SCN2A: variants seen among roughly 807,000 people sequenced by gnomAD.
SCN2A encodes sodium voltage-gated channel alpha subunit 2.
Under a neutral mutation model 188.7 loss-of-function variants are expected in SCN2A, and 20 were observed. The ratio of observed to expected loss-of-function variants is 0.11; its 90% CI spans 0.07 to 0.15. The LOEUF is 0.15. Ranked by LOEUF, SCN2A falls within the 10% of genes least tolerant of loss-of-function variation. SCN2A has a pLI of 1.00. For missense variants in SCN2A, 1,278 were observed against 2,445.0 expected, an observed-to-expected ratio of 0.52 and a Z score of 10.07; for synonymous variants, 804 against 833.1, an observed-to-expected ratio of 0.97 and a Z score of 0.60.
intron 1 of SCN2A, among the ~76,000 whole-genome samples, chr2:165,250,403 A>G (rs1214445467): frequency 1.3e-5 from 2 of 152,042 alleles, no homozygotes; most frequent in South Asian, 2.1e-4. Flanking sequence ...GATTTGTAAA[A>G]TGATATGGAT....
chr2:165,294,667 T>G (rs4667805), intron 1 of SCN2A, among the ~76,000 whole-genome samples: 124,045 of 152,000 alleles, frequency 0.82, 50,787 homozygotes, highest in Non-Finnish European at 0.84. Context: ...AGATTAAGTG[T>G]CATTTAGGAG....
At position 165,280,221 on chromosome 2, in the gene SCN2A, C is replaced by G. The variant is rs979073994; in HGVS notation, c.-51-15552C>G. Among the ~76,000 whole-genome samples the G allele has an allele frequency of 2.0e-5, 3 of 152,158 alleles. No individual in the cohort carries two copies. In the South Asian group the frequency reaches 6.2e-4, roughly 31 times the overall value. On this transcript the variant is annotated intron_variant, in intron 1 of 26. Coordinates refer to ENST00000375437, the MANE Select transcript of SCN2A (RefSeq NM_001040142.2). ...GGCCTATGTTTATCTCTACTATGTA[C>G]TCAGACTATTGTACAGCCTGGACCA...
intron 1 of SCN2A, among the ~76,000 whole-genome samples, chr2:165,265,473 A>C (rs1315638842): frequency 0.052 from 2,522 of 48,714 alleles, 95 homozygotes; most frequent in East Asian, 0.26. Context: ...CTGTTGATCT[A>C]TATATATATA....
At chr2:165,352,559 T>C (rs1699979699) in intron 16 of SCN2A, among the ~76,000 whole-genome samples, 1 of 152,172 alleles carries the variant, frequency 6.6e-6, no homozygotes, top group African/African-American at 2.4e-5. Flanking sequence ...ATCCCTAATC[T>C]GAAAATTTGA....
chr2:165,369,424 C>T (rs1285990351), intron 19 of SCN2A, among the ~76,000 whole-genome samples: 2 of 152,122 alleles, frequency 1.3e-5, no homozygotes, highest in Non-Finnish European at 2.9e-5. Flanking sequence ...CCTTTAGGTC[C>T]TTGTATGGAG....
intron 26 of SCN2A, among the ~76,000 whole-genome samples, chr2:165,388,060 A>C (rs1701963066): frequency 6.6e-6 from 1 of 152,150 alleles, no homozygotes; most frequent in African/African-American, 2.4e-5. Context: ...GCATGAAGAA[A>C]AGACTTAGTA....
chr2:165,376,645 C>T (rs1026152850), intron 22 of SCN2A, among the ~76,000 whole-genome samples: 4 of 151,852 alleles, frequency 2.6e-5, no homozygotes, highest in Admixed American at 1.3e-4. Flanking sequence ...TCATTGTTTT[C>T]CTCCCTTCCT....
At chr2:165,375,500 A>G (rs1368239) in intron 22 of SCN2A, among the ~76,000 whole-genome samples, 43,899 of 151,758 alleles carry the variant, frequency 0.29, 6,661 homozygotes, top group Middle Eastern at 0.48. Flanking sequence ...ATACACAGAA[A>G]CAGTGTTTGT....
Position 165,295,937 on chromosome 2 carries a change from A to G in SCN2A, c.114A>G (p.Lys38=), listed in dbSNP as rs753614123. The change falls in exon 2 of 27, where the codon AAA becomes AAG. Residue 38 remains lysine, a synonymous_variant. Transcript: ENST00000375437. ...CAGAAGAGAAAGCTAAGAGACCCAA[A>G]CAGGAACGCAAGGATGAGGATGATG... is the stretch of plus-strand genomic sequence containing the variant. The part of the protein sequence containing the change: ...RIAEEKAKRP[K]QERKDEDDEN... The G allele has an allele frequency of 6.2e-7, 1 of 1,614,168 alleles. No homozygotes were observed. Among genetic ancestry groups the G allele is most frequent in the Non-Finnish European group, 8.5e-7 (1 of 1,180,032 alleles).
Position 165,355,044 on chromosome 2 carries a change from G to A in SCN2A, c.3399+373G>A, listed in dbSNP as rs145608959. 4.5e-3 allele frequency among the ~76,000 whole-genome samples: 679 copies of A among 152,206 alleles called. 3 individuals are homozygous for A. The highest frequency in any genetic ancestry group is 0.016 in the African/African-American group (647 of 41,530). ...GTACTGGAAAAATATCTGATGAGAG[G>A]GTAGTTGCAATTCTCATCTTGCTAT... On this transcript the variant is annotated intron_variant, in intron 17 of 26. Coordinates refer to ENST00000375437, the MANE Select transcript of SCN2A (RefSeq NM_001040142.2).
At chr2:165,281,563 G>A (rs989998784) in intron 1 of SCN2A, among the ~76,000 whole-genome samples, 7 of 151,978 alleles carry the variant, frequency 4.6e-5, no homozygotes, top group Non-Finnish European at 1.0e-4. Flanking sequence ...AGTGAGGGGG[G>A]TGGGCAGACC....
Position 165,327,228 on chromosome 2 carries a change from C to T in SCN2A, c.2149+244C>T, listed in dbSNP as rs1281313153. ...GTATATTTTGAACACCACTTTCATA[C>T]ATTAAATTCTAAACATTGAAACTTG... is the stretch of plus-strand genomic sequence containing the variant. On this transcript the variant is annotated intron_variant, in intron 13 of 26. Transcript: ENST00000375437. 1.7e-5 allele frequency: 8 copies of T among 461,376 alleles called. No individual in the cohort carries two copies. In the Admixed American group the frequency reaches 2.4e-4, roughly 14 times the overall value. The allele number at this position is 461,376 out of a possible 1,614,324, so 28.6% of individuals were successfully genotyped here. A position where few individuals can be genotyped will look rare whatever the true frequency, so the allele number is the denominator to read the frequency against.
At position 165,289,642 on chromosome 2, in the gene SCN2A, C is replaced by G. The variant is rs575722252; in HGVS notation, c.-51-6131C>G. On this transcript the variant is annotated intron_variant, in intron 1 of 26. Coordinates refer to ENST00000375437, the MANE Select transcript of SCN2A (RefSeq NM_001040142.2). ...AAGGTCAGAACAAATGGAAGAAAAA[C>G]CAATGTATGATTTCTGAAAACCTTA... 1.6e-4 allele frequency among the ~76,000 whole-genome samples: 24 copies of G among 152,094 alleles called. No homozygotes were observed. The South Asian group carries it at 5.0e-3, about 32-fold the overall frequency.
intron 11 of SCN2A, chr2:165,320,279 C>A (rs114590429): frequency 0.077 from 11,660 of 152,384 alleles, 632 homozygotes; most frequent in Non-Finnish European, 0.11. Flanking sequence ...TGGTCTTCAG[C>A]AGCTCCACCC....
At chr2:165,277,949 A>G (rs539403900) in intron 1 of SCN2A, among the ~76,000 whole-genome samples, 25 of 152,328 alleles carry the variant, frequency 1.6e-4, no homozygotes, top group African/African-American at 5.3e-4. Flanking sequence ...GTACATCATA[A>G]TCTTACTTGA....
chr2:165,291,412 C>CTGT (rs1696127024), intron 1 of SCN2A, among the ~76,000 whole-genome samples: 1 of 141,184 alleles, frequency 7.1e-6, no homozygotes, highest in African/African-American at 2.6e-5. Context: ...TCCTTCCTTC[C>CTGT]TTCCTCCCTG....
At chr2:165,315,391 A>G in intron 10 of SCN2A, 80 bp from the exon 11 acceptor site, 1 of 1,589,082 alleles carries the variant, frequency 6.3e-7, no homozygotes, top group Non-Finnish European at 8.6e-7. Flanking sequence ...TCTTCATGAT[A>G]TTGAAGCTCA....
At chr2:165,293,260 A>G (rs73969336) in intron 1 of SCN2A, among the ~76,000 whole-genome samples, 3,038 of 152,262 alleles carry the variant, frequency 0.02, 84 homozygotes, top group African/African-American at 0.063. Context: ...GTAAGGGTTA[A>G]TTGCTATTTA....
intron 1 of SCN2A, among the ~76,000 whole-genome samples, chr2:165,290,403 T>C (rs930768346): frequency 3.9e-5 from 6 of 152,142 alleles, no homozygotes; most frequent in Admixed American, 2.6e-4. Context: ...TACTTCTTCC[T>C]CATGTTTTAA....
Sources: gnomAD v4.1 joint callset for allele counts (sites outside exome capture counted in the v4.1 genomes callset) on GRCh38, gnomAD v4.1.1 for gene constraint, MANE v1.5 for transcripts, NCBI Gene and HGNC (gene_info 2026-07-23, HGNC 2026-07-21) for gene names.